SLIT1: variants seen among roughly 807,000 people sequenced by gnomAD.
The protein encoded by SLIT1 is slit guidance ligand 1, also known as slit homolog 1 protein.
SLIT1 carries 66 observed loss-of-function variants against 186.1 expected under a neutral mutation model. That is an observed-to-expected ratio of 0.35 (90% CI 0.29 to 0.44). SLIT1 has a LOEUF of 0.44. Ranked by LOEUF, SLIT1 falls within the 20% of genes least tolerant of loss-of-function variation. SLIT1 has a pLI of 1.00. For missense variants in SLIT1, 1,638 were observed against 2,037.4 expected (o/e 0.80, Z 3.77); for synonymous variants, 761 against 833.8 (o/e 0.91, Z 1.50).
chr10:97,116,166 T>C (rs1849508218), intron 4 of SLIT1, among the ~76,000 whole-genome samples: 1 of 152,032 alleles, frequency 6.6e-6, no homozygotes, highest in Non-Finnish European at 1.5e-5. Context: ...GGTGGCAGCC[T>C]GGGTCAGACA....
intron 4 of SLIT1, among the ~76,000 whole-genome samples, chr10:97,134,458 G>A (rs751244427): frequency 2.6e-5 from 4 of 152,092 alleles, no homozygotes; most frequent in Admixed American, 1.3e-4. Context: ...TTCTCTCTGC[G>A]CCCCTGGGTA....
At chr10:97,075,590 C>T (rs1849038004) in intron 4 of SLIT1, among the ~76,000 whole-genome samples, 1 of 152,226 alleles carries the variant, frequency 6.6e-6, no homozygotes, top group Non-Finnish European at 1.5e-5. Context: ...AGCGTGCCCA[C>T]TGGTAGCTGG....
At chr10:97,041,898 C>T (rs1305671236) in intron 20 of SLIT1, among the ~76,000 whole-genome samples, 1 of 151,914 alleles carries the variant, frequency 6.6e-6, no homozygotes, top group African/African-American at 2.4e-5. Context: ...ATAATGTTTC[C>T]AAAGGATAGT....
intron 4 of SLIT1, among the ~76,000 whole-genome samples, chr10:97,108,956 G>T (rs1849440259): frequency 6.8e-6 from 1 of 146,050 alleles, no homozygotes; most frequent in African/African-American, 2.5e-5. Flanking sequence ...ATCACACATG[G>T]GCCCAGGGTC....
intron 4 of SLIT1, among the ~76,000 whole-genome samples, chr10:97,151,699 C>A (rs1849882171): frequency 6.6e-6 from 1 of 152,064 alleles, no homozygotes; most frequent in African/African-American, 2.4e-5. Context: ...TGTCACATAC[C>A]CGCTGAGCTT....
At chr10:97,048,928 T>C (rs748103461) in intron 14 of SLIT1, 27 bp downstream of exon 14, 2 of 1,598,042 alleles carry the variant, frequency 1.3e-6, no homozygotes, top group Admixed American at 1.7e-5. Flanking sequence ...GGTGGACAGG[T>C]GGGCAGGTGG....
chr10:97,117,411 C>T (rs1258233332), intron 4 of SLIT1, among the ~76,000 whole-genome samples: 2 of 152,104 alleles, frequency 1.3e-5, no homozygotes, highest in Non-Finnish European at 2.9e-5. Context: ...CTCTCCATGT[C>T]GATATTTGCT....
intron 4 of SLIT1, among the ~76,000 whole-genome samples, chr10:97,148,924 C>A (rs1344749226): frequency 6.6e-6 from 1 of 152,226 alleles, no homozygotes; most frequent in African/African-American, 2.4e-5. Flanking sequence ...TTGTCTCACA[C>A]CAATTTTTGT....
At chr10:97,061,344 A>G (rs534811689) in intron 8 of SLIT1, among the ~76,000 whole-genome samples, 1 of 152,352 alleles carries the variant, frequency 6.6e-6, no homozygotes, top group East Asian at 1.9e-4. Flanking sequence ...AGTGTCTGAA[A>G]TAAGAGCCTT....
chr10:97,042,976 G>A lies in SLIT1; in HGVS notation c.2089C>T (p.Arg697Ter). 1 of 1,614,118 alleles carries A rather than the reference G, an allele frequency of 6.2e-7. No individual in the cohort carries two copies. Among genetic ancestry groups the A allele is most frequent in the East Asian group, 2.2e-5 (1 of 44,894 alleles). ...RKRKIVTGNP[R>*]CQNPDFLRQI... ...CGCAAAAAGTCAGGGTTCTGGCATC[G>A]CGGGTTCCCCGTCACGATCTTGCGC... Residue 697 changes from arginine to a stop codon, truncating the protein, a stop_gained, in exon 20 of 37, where the codon CGA becomes TGA. Transcript: ENST00000266058. LOFTEE classifies it high-confidence loss of function.
chr10:97,016,550 T>C (rs1296814246), intron 28 of SLIT1, among the ~76,000 whole-genome samples: 3 of 152,130 alleles, frequency 2.0e-5, no homozygotes. Context: ...CATTCACCAT[T>C]ACACCTGGTT....
At chr10:97,072,120 T>C (rs1849006208) in intron 4 of SLIT1, among the ~76,000 whole-genome samples, 1 of 152,094 alleles carries the variant, frequency 6.6e-6, no homozygotes, top group East Asian at 1.9e-4. Flanking sequence ...AGTGATGGGA[T>C]AGAACAGAGA....
Position 97,014,246 on chromosome 10 carries a change from G to A in SLIT1, c.2970-88C>T, listed in dbSNP as rs553651012. On this transcript the variant is annotated intron_variant, in intron 28 of 36. Coordinates refer to ENST00000266058, the MANE Select transcript of SLIT1 (RefSeq NM_003061.3). Reference sequence around the variant, plus strand: ...TGCCGGTTAATATCACCATTCCACGGAGTTAGGGTCCCTAATCCCGGCCAG... The same window carrying A: ...TGCCGGTTAATATCACCATTCCACGAAGTTAGGGTCCCTAATCCCGGCCAG... 177 of 1,494,098 alleles carry A rather than the reference G, an allele frequency of 1.2e-4. 1 individual carries two copies. The highest frequency in any genetic ancestry group is 1.0e-3 in the Middle Eastern group (6 of 5,770). The allele number at this position is 1,494,098 out of a possible 1,614,324, so 92.6% of individuals were successfully genotyped here. A position where few individuals can be genotyped will look rare whatever the true frequency, so the allele number is the denominator to read the frequency against.
At chr10:97,032,748 G>A (rs567555763) in intron 23 of SLIT1, among the ~76,000 whole-genome samples, 5 of 118,484 alleles carry the variant, frequency 4.2e-5, no homozygotes, top group South Asian at 2.6e-4. Flanking sequence ...AACAGCCCCC[G>A]TGTTCCCCAG....
rs373006664 is a variant in SLIT1 at position 97,002,723 on chromosome 10, C to T, written c.4135G>A (p.Gly1379Ser). 85 of 1,583,616 alleles carry T rather than the reference C, an allele frequency of 5.4e-5. No homozygotes were observed. The highest frequency in any genetic ancestry group is 1.7e-4 in the Middle Eastern group (1 of 5,796). The stretch of plus-strand genomic sequence containing the variant: ...GCTCACTTGTGGCCATGGCAGGGGC[C>T]GTCAGCGGGCTGGTCACAGTGCAGG... ...VGLHCDQPAD[G>S]PCHGHKCVHG... The change falls in exon 35 of 37, where the codon GGC (glycine) becomes AGC (serine). Residue 1379 changes from glycine (G) to serine (S), a missense_variant. Coordinates refer to ENST00000266058, the MANE Select transcript of SLIT1 (RefSeq NM_003061.3).
chr10:97,002,030 C>T, intron 36 of SLIT1, 128 bp downstream of exon 36: 1 of 546,590 alleles, frequency 1.8e-6, no homozygotes, highest in Non-Finnish European at 3.1e-6. Flanking sequence ...TCTGAAAGCC[C>T]CATAGTAGCC....
At position 97,043,591 on chromosome 10, in the gene SLIT1, A is replaced by G; in HGVS notation, c.1854-78T>C. 2 of 1,375,480 alleles carry G rather than the reference A, an allele frequency of 1.5e-6. No homozygotes were observed. The highest frequency in any genetic ancestry group is 1.8e-5 in the Admixed American group (1 of 55,130). 85.2% of individuals were successfully genotyped at this position (1,375,480 alleles called of 1,614,324 possible). ...CCACCTGGGCCACGCAGCTTCCGCC[A>G]TCGTGGCTCGTTCACAGTTCTCCTC... On this transcript the variant is annotated intron_variant, in intron 18 of 36. Coordinates refer to ENST00000266058, the MANE Select transcript of SLIT1 (RefSeq NM_003061.3). This position sits in a 1 kb window ranked among gnomAD's most constrained non-coding sequence, Gnocchi z 7.0.
rs11355026 is a variant in SLIT1 at position 97,108,886 on chromosome 10, CAAAAAAAAAAAAAAAAAAA to C, written c.414-42819_414-42801del. Among the ~76,000 whole-genome samples the C allele has an allele frequency of 5.2e-3, 245 of 46,800 alleles. 1 individual carries two copies. The highest frequency in any genetic ancestry group is 0.021 in the African/African-American group (234 of 10,924). 30.7% of individuals were successfully genotyped at this position (46,800 alleles called of 152,430 possible). A position where few individuals can be genotyped will look rare whatever the true frequency, so the allele number is the denominator to read the frequency against. ...CTGGTGACAGAGTGAGTCTCAGTCT[CAAAAAAAAAAAAAAAAAAA>C]AAAAAAAAAAAAGCCACACTCGGGA... On this transcript the variant is annotated intron_variant, in intron 4 of 36. Transcript: ENST00000266058.
rs150087772 is a variant in SLIT1 at position 97,067,930 on chromosome 10, G to A, written c.414-1844C>T. On this transcript the variant is annotated intron_variant, in intron 4 of 36. Coordinates refer to ENST00000266058, the MANE Select transcript of SLIT1 (RefSeq NM_003061.3). Reference sequence around the variant, plus strand: ...CCTGCCCCGCCGCACACCGCCCCTTGAACTGTCAAGGCCGCCGCTGCCCTG... The same window carrying A: ...CCTGCCCCGCCGCACACCGCCCCTTAAACTGTCAAGGCCGCCGCTGCCCTG... 6.5e-3 allele frequency among the ~76,000 whole-genome samples: 982 copies of A among 152,232 alleles called. 11 individuals are homozygous for A. Among genetic ancestry groups the A allele is most frequent in the African/African-American group, 0.023 (937 of 41,540 alleles).
Sources: allele counts gnomAD v4.1 joint callset (sites outside exome capture counted in the v4.1 genomes callset), GRCh38; gene constraint gnomAD v4.1.1; non-coding constraint Gnocchi (gnomAD v3.1); transcripts MANE v1.5; gene names NCBI Gene and HGNC (gene_info 2026-07-23, HGNC 2026-07-21).